Variants in CNTNAP2 observed in about 807,000 individuals in gnomAD.
The protein encoded by CNTNAP2 is contactin associated protein 2, also known as contactin-associated protein-like 2.
In CNTNAP2, 98 loss-of-function variants were observed where a neutral mutation model predicts 155.2. The observed-to-expected ratio is 0.63, with a 90% CI of 0.54 to 0.75. The LOEUF is 0.75. Ranked by LOEUF, CNTNAP2 falls within the 30% of genes least tolerant of loss-of-function variation. The pLI, the probability that CNTNAP2 is intolerant of heterozygous loss-of-function variation, is 0.00. For synonymous variants in CNTNAP2, 651 were observed against 631.2 expected (o/e 1.03, Z -0.47); for missense variants, 1,727 against 1,688.1 (o/e 1.02, Z -0.40).
At chr7:147,684,378 C>T (rs1369252522) in intron 13 of CNTNAP2, among the ~76,000 whole-genome samples, 1 of 151,676 alleles carries the variant, frequency 6.6e-6, no homozygotes, top group East Asian at 1.9e-4. Context: ...TTATTAAAGC[C>T]CCTACAAGGA....
chr7:147,884,574 G>A (rs963221046), intron 13 of CNTNAP2, among the ~76,000 whole-genome samples: 1 of 151,970 alleles, frequency 6.6e-6, no homozygotes, highest in South Asian at 2.1e-4. Context: ...TAATCAAAAG[G>A]CTAACGAAAC....
chr7:146,411,842 ATTTAT>A (rs1795870359), intron 1 of CNTNAP2, among the ~76,000 whole-genome samples: 6 of 121,936 alleles, frequency 4.9e-5, no homozygotes, highest in African/African-American at 2.1e-4. Flanking sequence ...TTATTTATTT[ATTTAT>A]TTTATTTGAG....
rs997063821 is a variant in CNTNAP2, at chr7:146,851,982, G to T, written c.402+12078G>T. The stretch of plus-strand genomic sequence containing the variant: ...ATTGTAGGCATGAGTCACTGTGGCT[G>T]GCCTTGTTTTTCATTTTATATGGCA... On this transcript the variant is annotated intron_variant, in intron 3 of 23. Transcript: ENST00000361727. 7.2e-5 allele frequency among the ~76,000 whole-genome samples: 11 copies of T among 151,962 alleles called. No homozygotes were observed. The East Asian group carries it at 1.7e-3, about 24-fold the overall frequency.
intron 3 of CNTNAP2, among the ~76,000 whole-genome samples, chr7:146,929,810 A>C (rs569349563): frequency 6.6e-6 from 1 of 152,234 alleles, no homozygotes; most frequent in Non-Finnish European, 1.5e-5. Context: ...CTCAGGAGCC[A>C]ATGCGATCAA....
At chr7:148,331,743 G>A (rs1798025593) in intron 21 of CNTNAP2, among the ~76,000 whole-genome samples, 5 of 149,900 alleles carry the variant, frequency 3.3e-5, no homozygotes, top group South Asian at 2.1e-4. Flanking sequence ...TGGAGTGGAT[G>A]GATGGAACGG....
rs187615732 is a variant in CNTNAP2 at position 146,371,524 on chromosome 7, G to A, written c.97+254551G>A. On this transcript the variant is annotated intron_variant, in intron 1 of 23. Coordinates refer to ENST00000361727, the MANE Select transcript of CNTNAP2 (RefSeq NM_014141.6). ...GCTGGGACTACAGGTACCCGCCACCGCGCCAGCTAATTTTTTTATTTTTTT... is the reference window on the plus strand; with the variant it reads ...GCTGGGACTACAGGTACCCGCCACCACGCCAGCTAATTTTTTTATTTTTTT... Among the ~76,000 whole-genome samples, 11 of 151,656 alleles carry A rather than the reference G, an allele frequency of 7.3e-5. 1 individual carries two copies. The highest frequency in any genetic ancestry group is 1.4e-4 in the African/African-American group (6 of 41,430).
At chr7:147,584,905 C>T (rs1266545255) in intron 12 of CNTNAP2, among the ~76,000 whole-genome samples, 2 of 152,066 alleles carry the variant, frequency 1.3e-5, no homozygotes, top group Admixed American at 1.3e-4. Context: ...GAGAAGGATG[C>T]CCTTGATGGC....
chr7:146,428,639 C>A (rs987846873), intron 1 of CNTNAP2, among the ~76,000 whole-genome samples: 1 of 151,496 alleles, frequency 6.6e-6, no homozygotes, highest in Non-Finnish European at 1.5e-5. Context: ...CTTGTAGCCT[C>A]TGTATATTAG....
rs1473197684 is a variant in CNTNAP2, at chr7:147,285,109, ACT to A, written c.1349-15029_1349-15028del. Among the ~76,000 whole-genome samples the A allele has an allele frequency of 2.0e-5, 3 of 151,846 alleles. No homozygotes were observed. In the South Asian group the frequency reaches 6.2e-4, roughly 31 times the overall value. ...AATGCAGAATTATCTGAAATAAGAA[ACT>A]CTATTCTTATTATGCAATTTATAAA... On this transcript the variant is annotated intron_variant, in intron 8 of 23. Coordinates refer to ENST00000361727, the MANE Select transcript of CNTNAP2 (RefSeq NM_014141.6).
intron 10 of CNTNAP2, among the ~76,000 whole-genome samples, chr7:147,418,060 C>A (rs1482816264): frequency 6.6e-6 from 1 of 152,146 alleles, no homozygotes; most frequent in African/African-American, 2.4e-5. Context: ...CATAATAGTA[C>A]AATCATACAA....
At position 148,118,069 on chromosome 7, in the gene CNTNAP2, G is replaced by A. The variant is rs370519623; in HGVS notation, c.2384-49G>A. ...GCAATGGGTATCTGTTACATGACTA[G>A]GCTGATCAGGGTGTGAGTTAACCTG... On this transcript the variant is annotated intron_variant, in intron 15 of 23. Transcript: ENST00000361727. 79 of 1,594,048 alleles carry A rather than the reference G, an allele frequency of 5.0e-5. No homozygotes were observed. In the Middle Eastern group the frequency reaches 9.0e-4, roughly 18 times the overall value.
At chr7:146,221,200 C>T (rs2116897466) in intron 1 of CNTNAP2, among the ~76,000 whole-genome samples, 1 of 152,258 alleles carries the variant, frequency 6.6e-6, no homozygotes, top group Admixed American at 6.5e-5. Context: ...CCCACATCCT[C>T]ACAATATCCT....
intron 13 of CNTNAP2, among the ~76,000 whole-genome samples, chr7:147,882,045 C>G (rs552162417): frequency 3.3e-5 from 5 of 151,096 alleles, no homozygotes; most frequent in African/African-American, 1.2e-4. Flanking sequence ...TTTCTGTTAC[C>G]GAGAAGAGGT....
chr7:146,688,651 C>A (rs150304391), intron 1 of CNTNAP2, among the ~76,000 whole-genome samples: 82 of 152,218 alleles, frequency 5.4e-4, no homozygotes, highest in African/African-American at 1.9e-3. Context: ...TCAGTTAAGA[C>A]AGGAACTGGC....
At chr7:147,635,574 G>A (rs1795166704) in intron 12 of CNTNAP2, among the ~76,000 whole-genome samples, 1 of 152,166 alleles carries the variant, frequency 6.6e-6, no homozygotes, top group African/African-American at 2.4e-5. Context: ...AATGCATAGG[G>A]GTTTGATAGA....
At chr7:146,247,556 A>G (rs1240991145) in intron 1 of CNTNAP2, among the ~76,000 whole-genome samples, 1 of 152,132 alleles carries the variant, frequency 6.6e-6, no homozygotes, top group African/African-American at 2.4e-5. Flanking sequence ...GGGAACAGAG[A>G]CTAGAGATGC....
At chr7:147,253,502 T>G in intron 8 of CNTNAP2, among the ~76,000 whole-genome samples, 1 of 152,016 alleles carries the variant, frequency 6.6e-6, no homozygotes, top group East Asian at 1.9e-4. Flanking sequence ...GAAATCACTT[T>G]CTCAGATGGT....
chr7:146,139,883 T>A (rs1797853200), intron 1 of CNTNAP2, among the ~76,000 whole-genome samples: 1 of 152,236 alleles, frequency 6.6e-6, no homozygotes, highest in African/African-American at 2.4e-5. Flanking sequence ...ATAGCACAAT[T>A]TGGGGGGTAT....
intron 12 of CNTNAP2, among the ~76,000 whole-genome samples, chr7:147,608,219 A>G (rs1379497325): frequency 6.6e-6 from 1 of 151,988 alleles, no homozygotes; most frequent in Non-Finnish European, 1.5e-5. Flanking sequence ...AGAAAAAAAA[A>G]AAAACACAAT....
Sources: gnomAD v4.1 joint callset for allele counts (sites outside exome capture counted in the v4.1 genomes callset) on GRCh38, gnomAD v4.1.1 for gene constraint, MANE v1.5 for transcripts, NCBI Gene and HGNC (gene_info 2026-07-23, HGNC 2026-07-21) for gene names.